The following VPS35L variants were observed in gnomAD, a reference collection of about 807,000 sequenced individuals.
The protein encoded by VPS35L is VPS35 endosomal protein-sorting factor-like.
Under a neutral mutation model 133.0 loss-of-function variants are expected in VPS35L, and 83 were observed. The observed-to-expected ratio is 0.62, with a 90% CI of 0.52 to 0.75. The LOEUF is 0.75. Ranked by LOEUF, VPS35L falls within the 30% of genes least tolerant of loss-of-function variation. The pLI is 0.00. For missense variants in VPS35L, 1,083 were observed against 1,206.8 expected, an observed-to-expected ratio of 0.90 and a Z score of 1.52; for synonymous variants, 423 against 449.9, an observed-to-expected ratio of 0.94 and a Z score of 0.76.
chr16:19,578,232 G>C, intron 5 of VPS35L: 1 of 447,786 alleles, frequency 2.2e-6, no homozygotes, highest in Admixed American at 2.4e-5. Flanking sequence ...CATTTGTCAG[G>C]CTTACAAAAA....
At chr16:19,675,141 A>T (rs946256803) in intron 27 of VPS35L, among the ~76,000 whole-genome samples, 1 of 151,944 alleles carries the variant, frequency 6.6e-6, no homozygotes, top group Non-Finnish European at 1.5e-5. Context: ...TGTGGCGACA[A>T]GGTCTCACTA....
intron 15 of VPS35L, among the ~76,000 whole-genome samples, chr16:19,627,448 A>C (rs1017338201): frequency 6.6e-6 from 1 of 152,172 alleles, no homozygotes; most frequent in Non-Finnish European, 1.5e-5. Context: ...TGATCTGTCT[A>C]TCCACCCTGC....
intron 27 of VPS35L, among the ~76,000 whole-genome samples, chr16:19,671,377 G>A (rs1974866517): frequency 1.3e-5 from 2 of 151,634 alleles, no homozygotes; most frequent in South Asian, 4.2e-4. Context: ...GCTGAGGCAG[G>A]AGAATCGCTT....
Position 19,652,075 on chromosome 16 carries a change from C to T in VPS35L, c.2206C>T (p.Gln736Ter). The change falls in exon 26 of 31, where the codon CAG becomes TAG. Residue 736 changes from glutamine (Q) to a stop codon, truncating the protein, a stop_gained. Transcript: ENST00000417362. LOFTEE classifies it high-confidence loss of function. ...TTCTGGTCAGGTGGCCTTGGCCAACCAGTGCCTCTCCCAAGGTAAGTCCAT... is the reference window on the plus strand; with the variant it reads ...TTCTGGTCAGGTGGCCTTGGCCAACTAGTGCCTCTCCCAAGGTAAGTCCAT... Reference protein sequence around the residue: ...LHSGQVALANQCLSQADAFFK... With the variant: ...LHSGQVALAN The T allele has an allele frequency of 1.3e-6, 2 of 1,597,390 alleles. No homozygotes were observed. The highest frequency in any genetic ancestry group is 1.7e-6 in the Non-Finnish European group (2 of 1,167,772).
chr16:19,590,756 C>G (rs2151527292), intron 7 of VPS35L, among the ~76,000 whole-genome samples: 1 of 151,870 alleles, frequency 6.6e-6, no homozygotes. Flanking sequence ...CAAGACCAGC[C>G]TGAGCAACAT....
At chr16:19,681,569 C>T (rs559838608) in intron 27 of VPS35L, among the ~76,000 whole-genome samples, 1 of 152,312 alleles carries the variant, frequency 6.6e-6, no homozygotes, top group South Asian at 2.1e-4. Flanking sequence ...CTCACATACA[C>T]CTTTTTGGAA....
intron 29 of VPS35L, among the ~76,000 whole-genome samples, chr16:19,696,487 T>G (rs911163556): frequency 2.0e-5 from 3 of 152,126 alleles, no homozygotes; most frequent in Non-Finnish European, 4.4e-5. Flanking sequence ...TATGAAGTTG[T>G]TTGTTTGGGT....
At chr16:19,623,991 A>G (rs978115880) in intron 14 of VPS35L, among the ~76,000 whole-genome samples, 1 of 148,502 alleles carries the variant, frequency 6.7e-6, no homozygotes, top group Admixed American at 6.7e-5. Flanking sequence ...TCTTTTAGAG[A>G]TGAGGTTTCG....
Position 19,639,842 on chromosome 16 carries a change from T to G in VPS35L, c.1699-173T>G, listed in dbSNP as rs1404627670. Among the ~76,000 whole-genome samples the G allele has an allele frequency of 6.6e-6, 1 of 152,108 alleles. No homozygotes were observed. The highest frequency in any genetic ancestry group is 2.4e-5 in the African/African-American group (1 of 41,428). On this transcript the variant is annotated intron_variant, in intron 20 of 30. Coordinates refer to ENST00000417362, the MANE Select transcript of VPS35L (RefSeq NM_020314.7). This position sits in a 1 kb window ranked among gnomAD's most constrained non-coding sequence, Gnocchi z 4.1. ...CTGTGCCCGGCCCAGTAACAGCTTTTTACAAGCCCAGTCAGGTCCTCTCCC... is the reference window on the plus strand; with the variant it reads ...CTGTGCCCGGCCCAGTAACAGCTTTGTACAAGCCCAGTCAGGTCCTCTCCC...
In VPS35L at chr16:19,647,841, A is replaced by G. The variant is rs1331521733; in HGVS notation, c.1987A>G (p.Met663Val). 5 of 1,614,008 alleles carry G rather than the reference A, an allele frequency of 3.1e-6. No individual in the cohort carries two copies. The highest frequency in any genetic ancestry group is 4.2e-6 in the Non-Finnish European group (5 of 1,180,044). ...GAGTTTTTATGTTGAGTCCAGGTCG[A>G]TGTTTTGCAATCTGGAGCCTGTTCT... ...QLSFYVESRSMFCNLEPVLVQ... is the reference protein window; with the variant it reads ...QLSFYVESRSVFCNLEPVLVQ... Residue 663 changes from methionine to valine, a missense_variant, in exon 24 of 31, where the codon ATG becomes GTG. Transcript: ENST00000417362.
intron 28 of VPS35L, among the ~76,000 whole-genome samples, chr16:19,689,796 A>C (rs2078936): frequency 6.6e-6 from 1 of 151,944 alleles, no homozygotes; most frequent in African/African-American, 2.4e-5. Context: ...AAAGCATAAT[A>C]TATATAGGAT....
At chr16:19,581,883 A>G in intron 7 of VPS35L, 1 of 557,486 alleles carries the variant, frequency 1.8e-6, no homozygotes, top group Non-Finnish European at 3.2e-6. Flanking sequence ...GCACAACTCC[A>G]GGAAGCACTC....
intron 1 of VPS35L, among the ~76,000 whole-genome samples, chr16:19,561,974 G>T (rs778855603): frequency 1.3e-5 from 2 of 152,030 alleles, no homozygotes; most frequent in Non-Finnish European, 2.9e-5. Flanking sequence ...GGGCGTGGGG[G>T]TGTGCCTGTG....
intron 26 of VPS35L, among the ~76,000 whole-genome samples, chr16:19,662,342 T>TAA (rs111626049): frequency 1.1e-4 from 16 of 147,780 alleles, no homozygotes; most frequent in Non-Finnish European, 2.1e-4. Context: ...CCATCTCTAC[T>TAA]AAAAAAAAAA....
At chr16:19,573,754 A>G (rs867249387) in intron 4 of VPS35L, among the ~76,000 whole-genome samples, 23 of 152,140 alleles carry the variant, frequency 1.5e-4, no homozygotes, top group African/African-American at 2.4e-5. Flanking sequence ...TGGAGGTTAC[A>G]TTGCGCAGAG....
chr16:19,563,566 C>T (rs1048653247), intron 1 of VPS35L, among the ~76,000 whole-genome samples: 1 of 152,200 alleles, frequency 6.6e-6, no homozygotes, highest in African/African-American at 2.4e-5. Flanking sequence ...TAGGCCTTCT[C>T]TTCACGTTGC....
intron 15 of VPS35L, among the ~76,000 whole-genome samples, chr16:19,627,144 A>G (rs1191036478): frequency 1.3e-5 from 2 of 151,886 alleles, no homozygotes; most frequent in African/African-American, 4.8e-5. Context: ...TTAGCCGAGC[A>G]TGGTGGCGCA....
In VPS35L at chr16:19,644,967, A is replaced by C; in HGVS notation, c.1929+18A>C. 2 of 1,524,388 alleles carry C rather than the reference A, an allele frequency of 1.3e-6. No individual in the cohort carries two copies. The highest frequency in any genetic ancestry group is 1.1e-5 in the South Asian group (1 of 86,972). The allele number at this position is 1,524,388 out of a possible 1,614,324, so 94.4% of individuals were successfully genotyped here. ...TAAAAATGGTAAGTATTAGGGAAGA[A>C]GTTTCAGTGCACTTGGAAGTGTGAT... On this transcript the variant is annotated intron_variant, in intron 23 of 30. Coordinates refer to ENST00000417362, the MANE Select transcript of VPS35L (RefSeq NM_020314.7).
Position 19,573,214 on chromosome 16 carries a change from G to C in VPS35L, c.381G>C (p.Arg127=). ...ACAAACGGGGAGAAATCCTTGCCCG[G>C]TACACCACTACCGAAAAGCTGTCTA... ...WTNKRGEILA[R]YTTTEKLSIN... is the part of the protein sequence containing the mutation. The change falls in exon 4 of 31, where the codon CGG becomes CGC. Residue 127 remains arginine (R), a synonymous_variant. Coordinates refer to ENST00000417362, the MANE Select transcript of VPS35L (RefSeq NM_020314.7). The C allele has an allele frequency of 6.2e-7, 1 of 1,613,884 alleles. No individual in the cohort carries two copies. Among genetic ancestry groups the C allele is most frequent in the South Asian group, 1.1e-5 (1 of 91,064 alleles).
Sources: gnomAD v4.1 joint callset for allele counts (sites outside exome capture counted in the v4.1 genomes callset) on GRCh38, gnomAD v4.1.1 for gene constraint, Gnocchi (gnomAD v3.1) non-coding constraint, MANE v1.5 for transcripts, NCBI Gene and HGNC (gene_info 2026-07-23, HGNC 2026-07-21) for gene names.